The following CELF1 variants were observed in gnomAD, a reference collection of about 807,000 sequenced individuals.
CELF1 encodes 50 kDa nuclear polyadenylated RNA-binding protein.
A neutral mutation model predicts 61.8 loss-of-function variants in CELF1; 10 were observed. That is an observed-to-expected ratio of 0.16 (90% confidence interval 0.10 to 0.27). The LOEUF is 0.27. CELF1 is among the 10% of genes least tolerant of loss of function. CELF1 has a pLI of 1.00. For synonymous variants in CELF1, 236 were observed against 225.1 expected, an observed-to-expected ratio of 1.05 and a Z score of -0.43; for missense variants, 380 against 639.1, an observed-to-expected ratio of 0.59 and a Z score of 4.37.
chr11:47,505,114 C>G lies in CELF1; in HGVS notation c.-153-4182G>C, dbSNP rs143726419. Among the ~76,000 whole-genome samples the G allele has an allele frequency of 2.0e-3, 297 of 151,226 alleles. 13 individuals are homozygous for G. The highest frequency in any genetic ancestry group is 0.014 in the Middle Eastern group (4 of 288). ...CTTAATCACAGAAAGACTCTGTACT[C>G]AGCTCTGTACTACTGCTGTGTACTC... On this transcript the variant is annotated intron_variant, in intron 1 of 14. Coordinates refer to ENST00000687097, the MANE Select transcript of CELF1 (RefSeq NM_001376376.1).
intron 1 of CELF1, among the ~76,000 whole-genome samples, chr11:47,522,003 C>T (rs928098964): frequency 2.0e-5 from 3 of 152,014 alleles, no homozygotes; most frequent in African/African-American, 4.8e-5. Flanking sequence ...CTCCATCTCC[C>T]GGATTCGAGA....
rs1400844299 is a variant in CELF1, at chr11:47,487,166, A to G, written c.335T>C (p.Leu112Pro). Reference sequence around the variant, plus strand: ...TAGTGGGAGCTTTCTTACCCCTGGGAGGACTTTCATGTTGTGAAGAGCATT... The same window carrying G: ...TAGTGGGAGCTTTCTTACCCCTGGGGGGACTTTCATGTTGTGAAGAGCATT... ...AQNALHNMKV[L>P]PGMHHPIQMK... Residue 112 changes from leucine to proline, a missense_variant, in exon 5 of 15, where the codon CTC becomes CCC. Coordinates refer to ENST00000687097, the MANE Select transcript of CELF1 (RefSeq NM_001376376.1). 1 of 1,610,992 alleles carries G rather than the reference A, an allele frequency of 6.2e-7. No homozygotes were observed. The highest frequency in any genetic ancestry group is 1.7e-5 in the Admixed American group (1 of 60,010).
intron 2 of CELF1, among the ~76,000 whole-genome samples, chr11:47,563,625 G>T (rs2097233747): frequency 6.6e-6 from 1 of 152,170 alleles, no homozygotes; most frequent in Non-Finnish European, 1.5e-5. Flanking sequence ...GGAGGTGGAG[G>T]TTGCAGTGAG....
chr11:47,489,834 G>GATA (rs1227612156), intron 3 of CELF1, among the ~76,000 whole-genome samples: 1 of 151,570 alleles, frequency 6.6e-6, no homozygotes, highest in African/African-American at 2.4e-5. Context: ...GAACCTGAAG[G>GATA]ATAATCAGCT....
chr11:47,537,637 A>G (rs2096663360), intron 1 of CELF1, among the ~76,000 whole-genome samples: 2 of 152,192 alleles, frequency 1.3e-5, no homozygotes, highest in Admixed American at 1.3e-4. Flanking sequence ...AAAGTACTCC[A>G]TCTTCAGAAG....
chr11:47,547,081 A>G (rs1163366901), intron 1 of CELF1, among the ~76,000 whole-genome samples: 1 of 149,318 alleles, frequency 6.7e-6, no homozygotes, highest in African/African-American at 2.5e-5. Context: ...AAAAAAAAAA[A>G]AAAAAAAAAA....
intron 1 of CELF1, among the ~76,000 whole-genome samples, chr11:47,511,241 T>C (rs2095133061): frequency 1.3e-5 from 2 of 152,168 alleles, no homozygotes; most frequent in South Asian, 4.2e-4. Context: ...TTTTAAACGA[T>C]CTTAAAAGCA....
chr11:47,500,977 A>C (rs2093820031), intron 1 of CELF1, 45 bp from the exon 2 acceptor site: 1 of 398,344 alleles, frequency 2.5e-6, no homozygotes, highest in Non-Finnish European at 4.4e-6. Flanking sequence ...CACAGAGTTA[A>C]CGTTAAAAAA....
At chr11:47,481,093 T>TTTTTC (rs1565766318) in intron 9 of CELF1, among the ~76,000 whole-genome samples, 1 of 102,108 alleles carries the variant, frequency 9.8e-6, no homozygotes. Flanking sequence ...TTTTTTTTTT[T>TTTTTC]TTCTTCTTCT....
At chr11:47,519,854 C>G (rs1378293271) in intron 1 of CELF1, among the ~76,000 whole-genome samples, 9 of 150,216 alleles carry the variant, frequency 6.0e-5, no homozygotes, top group Non-Finnish European at 1.5e-5. Context: ...CGGAGCCAGA[C>G]TCCGTCTCAA....
intron 1 of CELF1, among the ~76,000 whole-genome samples, chr11:47,542,184 AC>A (rs1474990671): frequency 6.6e-6 from 1 of 152,164 alleles, no homozygotes; most frequent in East Asian, 1.9e-4. Context: ...AGCCTAGCCA[AC>A]ATGGTGAAAC....
intron 1 of CELF1, among the ~76,000 whole-genome samples, chr11:47,501,352 T>C (rs2093872416): frequency 6.6e-6 from 1 of 152,234 alleles, no homozygotes; most frequent in Admixed American, 6.5e-5. Flanking sequence ...TGGGGCTGGT[T>C]AGATTACTGG....
At chr11:47,524,092 A>G (rs1318189358) in intron 1 of CELF1, 1 of 152,226 alleles carries the variant, frequency 6.6e-6, no homozygotes, top group East Asian at 1.9e-4. Flanking sequence ...GCAACAGGGC[A>G]TTCCCCACAG....
At chr11:47,545,292 T>C (rs1366588875) in intron 1 of CELF1, among the ~76,000 whole-genome samples, 1 of 152,088 alleles carries the variant, frequency 6.6e-6, no homozygotes, top group Non-Finnish European at 1.5e-5. Flanking sequence ...TAGCCGGGCA[T>C]GGTGGCGGGC....
At chr11:47,537,395 A>C (rs942191433) in intron 1 of CELF1, among the ~76,000 whole-genome samples, 2 of 152,002 alleles carry the variant, frequency 1.3e-5, no homozygotes, top group Non-Finnish European at 2.9e-5. Context: ...CTATAGGCAC[A>C]CACCACCACA....
chr11:47,490,598 G>A (rs2090944888), intron 3 of CELF1, among the ~76,000 whole-genome samples: 2 of 151,676 alleles, frequency 1.3e-5, no homozygotes, highest in Admixed American at 1.3e-4. Flanking sequence ...GGTTAATTTT[G>A]TATTTTTAGT....
At chr11:47,501,851 T>G (rs1440490639) in intron 1 of CELF1, among the ~76,000 whole-genome samples, 1 of 152,104 alleles carries the variant, frequency 6.6e-6, no homozygotes, top group African/African-American at 2.4e-5. Flanking sequence ...TTAAAAAGGA[T>G]TCAATAAATT....
Position 47,476,902 on chromosome 11 carries a change from C to A in CELF1, c.1031G>T (p.Gly344Val). 6.2e-7 allele frequency: 1 copy of A among 1,614,188 alleles called. No homozygotes were observed. The highest frequency in any genetic ancestry group is 1.1e-5 in the South Asian group (1 of 91,084). ...TGCTCCAGCTAATGTCTGCAGGGCT[C>A]CAAGTGAGGCTATGGGGTTGACAGA... ...SNSVNPIASL[G>V]ALQTLAGATA... is the part of the protein sequence containing the mutation. The change falls in exon 12 of 15, where the codon GGA becomes GTA. Residue 344 changes from glycine (G) to valine (V), a missense_variant. Coordinates refer to ENST00000687097, the MANE Select transcript of CELF1 (RefSeq NM_001376376.1).
At chr11:47,501,716 G>C (rs1048488435) in intron 1 of CELF1, among the ~76,000 whole-genome samples, 1 of 151,962 alleles carries the variant, frequency 6.6e-6, no homozygotes, top group Non-Finnish European at 1.5e-5. Context: ...CCAGCTACTC[G>C]GGAGGCTAAG....
Sources: gnomAD v4.1 joint callset for allele counts (sites outside exome capture counted in the v4.1 genomes callset) on GRCh38, gnomAD v4.1.1 for gene constraint, MANE v1.5 for transcripts, NCBI Gene and HGNC (gene_info 2026-07-23, HGNC 2026-07-21) for gene names.